Variants in NUDT9 observed in about 807,000 individuals in gnomAD.
The protein encoded by NUDT9 is nudix hydrolase 9.
A neutral mutation model predicts 41.0 loss-of-function variants in NUDT9; 31 were observed. That is an observed-to-expected ratio of 0.76 (90% CI 0.57 to 1.02). The LOEUF (loss-of-function observed/expected upper bound fraction) is 1.02. Ranked by LOEUF, NUDT9 falls within the 50% of genes least tolerant of loss-of-function variation. The probability of loss-of-function intolerance (pLI) is 0.00; values close to 1 mark genes in which losing one functional copy is unlikely to be tolerated. For synonymous variants in NUDT9, 146 were observed against 147.6 expected, an observed-to-expected ratio of 0.99 and a Z score of 0.08; for missense variants, 380 against 431.4, an observed-to-expected ratio of 0.88 and a Z score of 1.06.
intron 7 of NUDT9, among the ~76,000 whole-genome samples, chr4:87,456,861 G>A (rs528713513): frequency 1.2e-4 from 19 of 152,242 alleles, no homozygotes; most frequent in African/African-American, 4.3e-4. Flanking sequence ...TACTCAGGAC[G>A]CGGAGGTTGC....
intron 1 of NUDT9, among the ~76,000 whole-genome samples, chr4:87,430,906 CTT>C (rs1427034629): frequency 1.3e-5 from 2 of 152,060 alleles, no homozygotes; most frequent in Non-Finnish European, 2.9e-5. Flanking sequence ...TTGATTGTGT[CTT>C]TTGATACCCA....
At chr4:87,436,110 C>T (rs979135797) in intron 2 of NUDT9, among the ~76,000 whole-genome samples, 8 of 152,036 alleles carry the variant, frequency 5.3e-5, no homozygotes, top group Non-Finnish European at 1.0e-4. Context: ...TCTCCTGCCT[C>T]AGCCACCTGA....
At chr4:87,435,734 A>G (rs1721901410) in intron 2 of NUDT9, among the ~76,000 whole-genome samples, 1 of 152,224 alleles carries the variant, frequency 6.6e-6, no homozygotes, top group Non-Finnish European at 1.5e-5. Context: ...AGGGGCTCTC[A>G]CTAAATTCAT....
At chr4:87,440,395 C>T (rs537431650) in intron 3 of NUDT9, among the ~76,000 whole-genome samples, 24 of 152,282 alleles carry the variant, frequency 1.6e-4, no homozygotes, top group African/African-American at 5.1e-4. Flanking sequence ...TCTCTCTTTG[C>T]GAATAACCAT....
chr4:87,429,996 A>C (rs982042313), intron 1 of NUDT9, among the ~76,000 whole-genome samples: 4 of 152,210 alleles, frequency 2.6e-5, no homozygotes, highest in Non-Finnish European at 5.9e-5. Flanking sequence ...TGCCTTACAT[A>C]GCAAAAGAGA....
chr4:87,427,501 A>G (rs1578064421), intron 1 of NUDT9, among the ~76,000 whole-genome samples: 1 of 152,374 alleles, frequency 6.6e-6, no homozygotes, highest in East Asian at 1.9e-4. Flanking sequence ...AATAGCATAT[A>G]TAGATAGCAG....
At chr4:87,449,397 A>G (rs1416346447) in intron 5 of NUDT9, 144 bp downstream of exon 5, 5 of 578,184 alleles carry the variant, frequency 8.6e-6, no homozygotes, top group Non-Finnish European at 1.6e-5. Flanking sequence ...TCATCCCTGC[A>G]TGAAGTGTCA....
intron 1 of NUDT9, among the ~76,000 whole-genome samples, chr4:87,434,725 G>A (rs746172728): frequency 1.3e-4 from 20 of 151,704 alleles, no homozygotes; most frequent in African/African-American, 4.8e-4. Context: ...TGCCTTCTGG[G>A]TTCAAGTGAT....
intron 2 of NUDT9, among the ~76,000 whole-genome samples, chr4:87,437,433 T>C (rs908457045): frequency 3.9e-5 from 6 of 151,906 alleles, no homozygotes; most frequent in South Asian, 2.1e-4. Context: ...CTCCACCTCC[T>C]GGGTTCACGC....
At chr4:87,423,908 C>T (rs556762484) in intron 1 of NUDT9, among the ~76,000 whole-genome samples, 1 of 152,320 alleles carries the variant, frequency 6.6e-6, no homozygotes, top group Admixed American at 6.5e-5. Flanking sequence ...CTGCCTTTTG[C>T]TTCAGGCTTT....
At chr4:87,452,807 GA>G (rs1462198102) in intron 6 of NUDT9, among the ~76,000 whole-genome samples, 1 of 133,020 alleles carries the variant, frequency 7.5e-6, no homozygotes, top group Non-Finnish European at 1.6e-5. Context: ...GAAAATAACA[GA>G]GTTTTTTTTT....
chr4:87,427,931 T>C (rs541442852), intron 1 of NUDT9, among the ~76,000 whole-genome samples: 1 of 152,316 alleles, frequency 6.6e-6, no homozygotes, highest in South Asian at 2.1e-4. Context: ...TTATTGAGTA[T>C]GGGTTTAAGG....
chr4:87,432,750 A>G, intron 1 of NUDT9, among the ~76,000 whole-genome samples: 1 of 150,676 alleles, frequency 6.6e-6, no homozygotes, highest in Non-Finnish European at 1.5e-5. Context: ...ATTTTTCTGC[A>G]TCAATCAAGA....
intron 4 of NUDT9, among the ~76,000 whole-genome samples, chr4:87,444,544 A>G (rs1343282564): frequency 1.3e-5 from 2 of 152,196 alleles, no homozygotes; most frequent in Non-Finnish European, 2.9e-5. Context: ...GAGTTAATAA[A>G]AAAAATATTA....
intron 4 of NUDT9, among the ~76,000 whole-genome samples, chr4:87,445,933 CTTTTTTT>C (rs964120765): frequency 4.2e-4 from 60 of 142,964 alleles, no homozygotes; most frequent in African/African-American, 1.5e-3. Flanking sequence ...GCATCTCTCT[CTTTTTTT>C]TTTTTTTTGA....
intron 1 of NUDT9, among the ~76,000 whole-genome samples, chr4:87,431,487 T>G (rs1199030963): frequency 6.6e-6 from 1 of 152,210 alleles, no homozygotes; most frequent in Non-Finnish European, 1.5e-5. Flanking sequence ...GCATTGAATC[T>G]GCGGATAACT....
intron 6 of NUDT9, 24 bp downstream of exon 6, chr4:87,451,759 G>C: frequency 6.2e-7 from 1 of 1,606,690 alleles, no homozygotes; most frequent in East Asian, 2.2e-5. Context: ...TTTCTGGGAG[G>C]GATTTAGTTC....
At chr4:87,441,471 A>C (rs752526231) in intron 3 of NUDT9, among the ~76,000 whole-genome samples, 3 of 152,212 alleles carry the variant, frequency 2.0e-5, no homozygotes, top group Non-Finnish European at 4.4e-5. Flanking sequence ...GTAGAGTAGG[A>C]AATGAGAATA....
In NUDT9 at chr4:87,457,858, A is replaced by G; in HGVS notation, c.890A>G (p.Asn297Ser). ...YHDETGEIMDNLMLEAGDDAG... is the reference protein window; with the variant it reads ...YHDETGEIMDSLMLEAGDDAG... ...TGGCAACCAGGTGAGATAATGGATAATCTTATGCTAGAAGCTGGAGATGAT... is the reference window on the plus strand; with the variant it reads ...TGGCAACCAGGTGAGATAATGGATAGTCTTATGCTAGAAGCTGGAGATGAT... The change falls in exon 8 of 8, where the codon AAT becomes AGT. Residue 297 changes from asparagine to serine, a missense_variant. By Grantham distance (46) the Asn-to-Ser change is conservative. Coordinates refer to ENST00000302174, the MANE Select transcript of NUDT9 (RefSeq NM_024047.5). 1 of 1,611,158 alleles carries G rather than the reference A, an allele frequency of 6.2e-7. No homozygotes were observed. The highest frequency in any genetic ancestry group is 1.1e-5 in the South Asian group (1 of 90,672).
Sources: allele counts gnomAD v4.1 joint callset (sites outside exome capture counted in the v4.1 genomes callset), GRCh38; gene constraint gnomAD v4.1.1; transcripts MANE v1.5; gene names NCBI Gene and HGNC (gene_info 2026-07-23, HGNC 2026-07-21).